Variants in ZNF385C observed in about 807,000 individuals in gnomAD.
ZNF385C encodes the protein CTD-2132N18.2.
ZNF385C carries 28 observed loss-of-function variants against 35.4 expected under a neutral mutation model. The observed-to-expected ratio is 0.79, with a 90% CI of 0.59 to 1.08. The LOEUF (loss-of-function observed/expected upper bound fraction) is 1.08. Among genes scored for constraint, ZNF385C ranks in the 50% least tolerant of loss-of-function variants. The pLI, the probability that ZNF385C is intolerant of heterozygous loss-of-function variation, is 0.00. For missense variants in ZNF385C, 605 were observed against 595.6 expected (o/e 1.02, Z -0.16); for synonymous variants, 248 against 248.2 (o/e 1.00, Z 0.01).
chr17:42,092,270 A>G (rs997256220), intron 1 of ZNF385C, among the ~76,000 whole-genome samples: 10 of 152,050 alleles, frequency 6.6e-5, no homozygotes, highest in Non-Finnish European at 1.0e-4. Flanking sequence ...GCATGGTGGC[A>G]TGTGCCTGTA....
chr17:42,045,931 A>C (rs565204637), intron 2 of ZNF385C, among the ~76,000 whole-genome samples: 2 of 152,280 alleles, frequency 1.3e-5, no homozygotes, highest in Admixed American at 6.5e-5. Flanking sequence ...CTGTCTGCCC[A>C]ATCAATCCTG....
rs1239388932 is a variant in ZNF385C at position 42,035,118 on chromosome 17, CAAAAA to C, written c.400-788_400-784del. ...TGGGCAACAGAGTGAGACTCTGTCTCAAAAAAAAAAAAAAAAAAAAAGAGAAGAGA... is the reference window on the plus strand; with the variant it reads ...TGGGCAACAGAGTGAGACTCTGTCTCAAAAAAAAAAAAAAAAGAGAAGAGA... On this transcript the variant is annotated intron_variant, in intron 3 of 8. Coordinates refer to ENST00000692273, the MANE Select transcript of ZNF385C (RefSeq NM_001392013.1). Among the ~76,000 whole-genome samples the C allele has an allele frequency of 9.8e-5, 8 of 81,506 alleles. No homozygotes were observed. In the Admixed American group the frequency reaches 1.1e-3, roughly 11 times the overall value. 53.5% of individuals were successfully genotyped at this position (81,506 alleles called of 152,430 possible). A position where few individuals can be genotyped will look rare whatever the true frequency, so the allele number is the denominator to read the frequency against.
intron 1 of ZNF385C, among the ~76,000 whole-genome samples, chr17:42,098,095 C>T (rs186458087): frequency 6.6e-6 from 1 of 152,186 alleles, no homozygotes; most frequent in African/African-American, 2.4e-5. Flanking sequence ...TTACTCCGGA[C>T]CCCCGTCCTC....
chr17:42,039,289 G>GCCAAGGA (rs1295731965), intron 2 of ZNF385C: 7 of 175,020 alleles, frequency 4.0e-5, no homozygotes, highest in Non-Finnish European at 4.8e-5. Context: ...GAAAGAAACA[G>GCCAAGGA]CCAAGGACCA....
intron 2 of ZNF385C, chr17:42,040,390 G>T: frequency 1.6e-6 from 2 of 1,231,974 alleles, no homozygotes; most frequent in Non-Finnish European, 2.0e-6. Context: ...CTGGAGGCGG[G>T]CCCCACCTGA....
chr17:42,043,518 A>C, intron 2 of ZNF385C: 1 of 589,906 alleles, frequency 1.7e-6, no homozygotes, highest in Non-Finnish European at 2.5e-6. Flanking sequence ...AACAGGGCCC[A>C]TCCATCTAAG....
At position 42,063,661 on chromosome 17, in the gene ZNF385C, C is replaced by G. The variant is rs142373354; in HGVS notation, c.-2-603G>C. Among the ~76,000 whole-genome samples the G allele has an allele frequency of 6.3e-3, 952 of 152,162 alleles. 8 individuals carry two copies. The highest frequency in any genetic ancestry group is 0.016 in the African/African-American group (679 of 41,554). ...ACTCGGAGGGCCGCAGAACATATCT[C>G]AGAGAGGCGGACTGGGGTCTTGGAG... On this transcript the variant is annotated intron_variant, in intron 1 of 8. Coordinates refer to ENST00000692273, the MANE Select transcript of ZNF385C (RefSeq NM_001392013.1).
intron 1 of ZNF385C, among the ~76,000 whole-genome samples, chr17:42,072,180 C>T (rs183675229): frequency 6.6e-6 from 1 of 152,254 alleles, no homozygotes; most frequent in East Asian, 1.9e-4. Context: ...GGTGGATCAA[C>T]TTTTGGATTC....
At position 42,095,592 on chromosome 17, in the gene ZNF385C, C is replaced by T. The variant is rs943765694; in HGVS notation, c.-3+2818G>A. Among the ~76,000 whole-genome samples, 1 of 152,132 alleles carries T rather than the reference C, an allele frequency of 6.6e-6. No individual in the cohort carries two copies. Among genetic ancestry groups the T allele is most frequent in the African/African-American group, 2.4e-5 (1 of 41,414 alleles). On this transcript the variant is annotated intron_variant, in intron 1 of 8. Coordinates refer to ENST00000692273, the MANE Select transcript of ZNF385C (RefSeq NM_001392013.1). The surrounding 1 kb of genome is among the most constrained non-coding windows in gnomAD (Gnocchi z 4.4). The stretch of plus-strand genomic sequence containing the variant: ...GAGAGAAGTAACCTCTCCTCCCCAG[C>T]CCTTCCCTCTCAAGCATCACAGGAC...
Position 42,026,463 on chromosome 17 carries a change from G to GCT in ZNF385C, c.*432_*433dup. 1 of 208,258 alleles carries GCT rather than the reference G, an allele frequency of 4.8e-6. No individual in the cohort carries two copies. The highest frequency in any genetic ancestry group is 5.3e-5 in the Admixed American group (1 of 18,966). The allele number at this position is 208,258 out of a possible 1,614,324, so 12.9% of individuals were successfully genotyped here. A position where few individuals can be genotyped will look rare whatever the true frequency, so the allele number is the denominator to read the frequency against. On this transcript the variant is annotated 3_prime_UTR_variant, in exon 9 of 9. Transcript: ENST00000692273. ...ACCTTGTCCTGACAGCCTTGAGCCT[G>GCT]CTGCAGCTAGAGACCCCATCCCTAT...
At chr17:42,076,369 C>T (rs2053685262) in intron 1 of ZNF385C, among the ~76,000 whole-genome samples, 1 of 151,538 alleles carries the variant, frequency 6.6e-6, no homozygotes, top group South Asian at 2.1e-4. Flanking sequence ...CGCCTGTAAT[C>T]CCAGCACTTT....
At chr17:42,045,338 A>C (rs868940383) in intron 2 of ZNF385C, among the ~76,000 whole-genome samples, 36 of 152,246 alleles carry the variant, frequency 2.4e-4, no homozygotes, top group African/African-American at 8.7e-4. Context: ...GGCGTGCGCC[A>C]CCGCGCCTGG....
At chr17:42,055,126 C>G (rs549491416) in intron 2 of ZNF385C, among the ~76,000 whole-genome samples, 272 of 152,284 alleles carry the variant, frequency 1.8e-3, no homozygotes, top group African/African-American at 6.1e-3. Context: ...AGCATCCTGT[C>G]TCCACCAGAC....
At chr17:42,094,508 G>GACATAGAAA (rs1475209733) in intron 1 of ZNF385C, among the ~76,000 whole-genome samples, 2 of 152,120 alleles carry the variant, frequency 1.3e-5, no homozygotes, top group African/African-American at 4.8e-5. Context: ...CAGAGAAAAA[G>GACATAGAAA]GAAGAAGAAA....
intron 1 of ZNF385C, among the ~76,000 whole-genome samples, chr17:42,078,949 A>G (rs1347228633): frequency 1.3e-5 from 2 of 152,154 alleles, no homozygotes; most frequent in South Asian, 2.1e-4. Flanking sequence ...TTCTCTTCAC[A>G]TCTTAGTTTC....
intron 1 of ZNF385C, among the ~76,000 whole-genome samples, chr17:42,083,243 C>A (rs573755218): frequency 2.7e-5 from 4 of 150,808 alleles, no homozygotes; most frequent in Non-Finnish European, 5.9e-5. Context: ...CTTGCTGTCA[C>A]CCTGGCTGGA....
chr17:42,043,726 G>A (rs2053083182), intron 2 of ZNF385C, among the ~76,000 whole-genome samples: 1 of 152,070 alleles, frequency 6.6e-6, no homozygotes, highest in African/African-American at 2.4e-5. Flanking sequence ...TCATGCAAAG[G>A]GCCCTAGAGC....
Position 42,073,167 on chromosome 17 carries a change from T to A in ZNF385C, c.-2-10109A>T, listed in dbSNP as rs552425511. Among the ~76,000 whole-genome samples the A allele has an allele frequency of 2.6e-5, 4 of 152,304 alleles. No individual in the cohort carries two copies. In the South Asian group the frequency reaches 8.3e-4, roughly 32 times the overall value. ...AGATTGGGGACTTAGGTAGGCACGG[T>A]GGCTCACGCCTGTAATCCCAGCACT... On this transcript the variant is annotated intron_variant, in intron 1 of 8. Transcript: ENST00000692273.
intron 1 of ZNF385C, among the ~76,000 whole-genome samples, chr17:42,085,810 G>A (rs573914894): frequency 1.3e-5 from 2 of 151,324 alleles, no homozygotes; most frequent in African/African-American, 4.9e-5. Flanking sequence ...TCTTGGCCAG[G>A]CTGGTCTTGA....
Sources: allele counts gnomAD v4.1 joint callset (sites outside exome capture counted in the v4.1 genomes callset), GRCh38; gene constraint gnomAD v4.1.1; non-coding constraint Gnocchi (gnomAD v3.1); transcripts MANE v1.5; gene names NCBI Gene and HGNC (gene_info 2026-07-23, HGNC 2026-07-21).